Variants in LILRB1 observed in about 807,000 individuals in gnomAD.
LILRB1 encodes the protein leukocyte immunoglobulin-like receptor subfamily B member 1.
LILRB1 carries 59 observed loss-of-function variants against 74.6 expected under a neutral mutation model. The observed-to-expected ratio is 0.79, with a 90% CI of 0.64 to 0.98. The LOEUF is 0.98. Among genes scored for constraint, LILRB1 ranks in the 50% least tolerant of loss-of-function variants. The pLI is 0.00. For missense variants in LILRB1, 804 were observed against 822.6 expected, an observed-to-expected ratio of 0.98 and a Z score of 0.28; for synonymous variants, 328 against 333.9, an observed-to-expected ratio of 0.98 and a Z score of 0.19.
chr19:54,635,898 C>T (rs1269340135), intron 13 of LILRB1: 1 of 631,618 alleles, frequency 1.6e-6, no homozygotes, highest in Admixed American at 2.1e-5. Flanking sequence ...CCACCCCGGT[C>T]CCCCAGGCTC....
chr19:54,621,722 T>A (rs896151521), intron 1 of LILRB1, among the ~76,000 whole-genome samples: 3 of 152,190 alleles, frequency 2.0e-5, no homozygotes, highest in African/African-American at 7.2e-5. Flanking sequence ...TTCGGGGGTT[T>A]GTTGCATTTT....
intron 1 of LILRB1, among the ~76,000 whole-genome samples, chr19:54,625,158 C>G (rs1600325585): frequency 7.1e-6 from 1 of 140,206 alleles, no homozygotes; most frequent in East Asian, 2.0e-4. Context: ...GAGCATTGGA[C>G]TTTCAGAGGG....
At chr19:54,619,390 C>T (rs1267696139) in intron 1 of LILRB1, among the ~76,000 whole-genome samples, 1 of 152,036 alleles carries the variant, frequency 6.6e-6, no homozygotes, top group Non-Finnish European at 1.5e-5. Context: ...ATATAATAGT[C>T]ATTCTACAGA....
At chr19:54,633,406 G>C in intron 7 of LILRB1, 88 bp downstream of exon 7, 4 of 1,516,262 alleles carry the variant, frequency 2.6e-6, no homozygotes, top group African/African-American at 1.4e-5. Flanking sequence ...TGGAGTGAGC[G>C]GGGGTCTGAG....
chr19:54,623,838 G>C (rs2063512969), intron 1 of LILRB1, among the ~76,000 whole-genome samples: 1 of 152,192 alleles, frequency 6.6e-6, no homozygotes, highest in South Asian at 2.1e-4. Context: ...GATGGGATTT[G>C]TTTTGCACAT....
intron 1 of LILRB1, among the ~76,000 whole-genome samples, chr19:54,617,974 A>G (rs1008216047): frequency 6.6e-6 from 1 of 151,582 alleles, no homozygotes; most frequent in African/African-American, 2.4e-5. Context: ...GTAGTGGCAC[A>G]CTCGTAATCC....
intron 1 of LILRB1, among the ~76,000 whole-genome samples, chr19:54,624,678 C>T (rs985770657): frequency 2.0e-5 from 3 of 152,088 alleles, no homozygotes; most frequent in African/African-American, 4.8e-5. Context: ...CCTAGGTGGC[C>T]GGCTGGACAG....
intron 13 of LILRB1, chr19:54,635,818 C>T: frequency 1.4e-6 from 1 of 719,814 alleles, no homozygotes; most frequent in Non-Finnish European, 2.6e-6. Context: ...CTTCCTGCTC[C>T]TCATCCTCTG....
chr19:54,633,488 C>T, intron 7 of LILRB1, 150 bp from the exon 8 acceptor site: 1 of 1,192,410 alleles, frequency 8.4e-7, no homozygotes, highest in Non-Finnish European at 1.2e-6. Context: ...GCCTGCCCAC[C>T]CTCAGTGGCA....
In LILRB1 at chr19:54,632,779, T is replaced by C. The variant is rs2064005957; in HGVS notation, c.958+19T>C. On this transcript the variant is annotated intron_variant, in intron 6 of 14. Transcript: ENST00000324602. Reference sequence around the variant, plus strand: ...ATCGCAGGTGAGGAGCCCAGCGGGTTCAGTCAGGGACCCAGGCTCCGCACA... The same window carrying C: ...ATCGCAGGTGAGGAGCCCAGCGGGTCCAGTCAGGGACCCAGGCTCCGCACA... 1.2e-6 allele frequency: 2 copies of C among 1,611,428 alleles called. No individual in the cohort carries two copies. The highest frequency in any genetic ancestry group is 1.3e-5 in the African/African-American group (1 of 74,828).
Position 54,636,614 on chromosome 19 carries a change from G to A in LILRB1, c.1774G>A (p.Asp592Asn), listed in dbSNP as rs370996882. The A allele has an allele frequency of 1.2e-6, 2 of 1,609,992 alleles. No homozygotes were observed. The highest frequency in any genetic ancestry group is 1.7e-6 in the Non-Finnish European group (2 of 1,178,276). The change falls in exon 14 of 15, where the codon GAC (aspartate) becomes AAC (asparagine). Residue 592 changes from aspartate to asparagine, a missense_variant. Transcript: ENST00000324602. ...GTCTGGGGAATTCCTGGACACAAAG[G>A]ACAGACAGGCGGAAGAGGACAGGCA... The part of the protein sequence containing the change: ...PLSGEFLDTK[D>N]RQAEEDRQMD...
At chr19:54,625,925 ACT>A (rs2063574702), upstream of LILRB1, among the ~76,000 whole-genome samples, 2 of 142,334 alleles carry the variant, frequency 1.4e-5, no homozygotes, top group Non-Finnish European at 3.0e-5. Flanking sequence ...AGAATCTCTC[ACT>A]CACTCACCCC....
rs751786827 is a variant in LILRB1 at position 54,631,157 on chromosome 19, C to T, written c.34+50C>T. On this transcript the variant is annotated intron_variant, in intron 2 of 14. Transcript: ENST00000324602. The stretch of plus-strand genomic sequence containing the variant: ...CTTCTAACCTAAGAGGGACCTCACC[C>T]CACAGCCAAACTCTTGTCCCTAAGG... 6 of 1,613,914 alleles carry T rather than the reference C, an allele frequency of 3.7e-6. No homozygotes were observed. In the East Asian group the frequency reaches 1.3e-4, roughly 36 times the overall value.
intron 5 of LILRB1, 66 bp downstream of exon 5, chr19:54,632,303 T>C (rs2063946777): frequency 6.4e-7 from 1 of 1,571,508 alleles, no homozygotes; most frequent in Non-Finnish European, 8.6e-7. Flanking sequence ...CAGCCGCGTC[T>C]CAGGGCAGTT....
intron 1 of LILRB1, among the ~76,000 whole-genome samples, chr19:54,620,540 A>G (rs1017320255): frequency 2.0e-5 from 3 of 152,206 alleles, no homozygotes; most frequent in Admixed American, 2.0e-4. Flanking sequence ...ACTATTAAAC[A>G]ATCACTAATG....
At chr19:54,634,085 C>T (rs1288901300) in intron 9 of LILRB1, 64 bp downstream of exon 9, 21 of 1,554,216 alleles carry the variant, frequency 1.4e-5, no homozygotes, top group South Asian at 9.5e-5. Context: ...GGGTTCTGTC[C>T]TAGGTTCAGT....
chr19:54,631,834 A>T, intron 4 of LILRB1, 47 bp downstream of exon 4: 1 of 1,607,870 alleles, frequency 6.2e-7, no homozygotes, highest in Non-Finnish European at 8.5e-7. Context: ...GCCCTCAGGA[A>T]GGGGGACGGC....
chr19:54,629,349 GTTTTTA>G (rs1195819847), upstream of LILRB1, among the ~76,000 whole-genome samples: 37 of 152,206 alleles, frequency 2.4e-4, no homozygotes, highest in African/African-American at 7.9e-4. Flanking sequence ...GTTTATTTTT[GTTTTTA>G]TTTTTATTTT....
At position 54,632,075 on chromosome 19, in the gene LILRB1, T is replaced by C. The variant is rs528992461; in HGVS notation, c.499T>C (p.Cys167Arg). 282 of 1,614,228 alleles carry C rather than the reference T, an allele frequency of 1.7e-4. No homozygotes were observed. In the South Asian group the frequency reaches 2.8e-3, roughly 16 times the overall value. Reference sequence around the variant, plus strand: ...GGAAGGAGAAGATGAACACCCACAATGCCTGAACTCCCAGCCCCATGCCCG... The same window carrying C: ...GGAAGGAGAAGATGAACACCCACAACGCCTGAACTCCCAGCCCCATGCCCG... ...CKEGEDEHPQ[C>R]LNSQPHARGS... The change falls in exon 5 of 15, where the codon TGC (cysteine) becomes CGC (arginine). Residue 167 changes from cysteine to arginine, a missense_variant. Cys to Arg is a radical substitution (Grantham distance 180). Transcript: ENST00000324602.
Sources: allele counts gnomAD v4.1 joint callset (sites outside exome capture counted in the v4.1 genomes callset), GRCh38; gene constraint gnomAD v4.1.1; transcripts MANE v1.5; gene names NCBI Gene and HGNC (gene_info 2026-07-23, HGNC 2026-07-21).